The following LIMCH1 variants were observed in gnomAD, a reference collection of about 807,000 sequenced individuals.
The protein encoded by LIMCH1 is LIM and calponin homology domains 1.
A neutral mutation model predicts 176.5 loss-of-function variants in LIMCH1; 113 were observed. That is an observed-to-expected ratio of 0.64 (90% confidence interval 0.55 to 0.75). LIMCH1 has a LOEUF of 0.75. LIMCH1 is among the 30% of genes least tolerant of loss of function. The pLI is 0.00. For missense variants in LIMCH1, 1,674 were observed against 1,814.9 expected, an observed-to-expected ratio of 0.92 and a Z score of 1.41; for synonymous variants, 619 against 645.9, an observed-to-expected ratio of 0.96 and a Z score of 0.63.
intron 1 of LIMCH1, among the ~76,000 whole-genome samples, chr4:41,383,415 A>T (rs2056010352): frequency 6.6e-6 from 1 of 152,196 alleles, no homozygotes; most frequent in African/African-American, 2.4e-5. Context: ...CCTCATGAGG[A>T]GCGAAGTGAT....
At chr4:41,655,190 T>C (rs1406411493) in intron 18 of LIMCH1, among the ~76,000 whole-genome samples, 1 of 152,088 alleles carries the variant, frequency 6.6e-6, no homozygotes, top group Non-Finnish European at 1.5e-5. Flanking sequence ...TTTTCGAAAA[T>C]AACCAAAAAA....
intron 1 of LIMCH1, among the ~76,000 whole-genome samples, chr4:41,485,854 T>A (rs777713993): frequency 8.5e-5 from 13 of 152,084 alleles, no homozygotes; most frequent in Non-Finnish European, 1.6e-4. Context: ...GCAAGACCAG[T>A]TAGGAGACCC....
chr4:41,541,810 G>A (rs2078695727), intron 1 of LIMCH1, among the ~76,000 whole-genome samples: 1 of 152,202 alleles, frequency 6.6e-6, no homozygotes, highest in Non-Finnish European at 1.5e-5. Flanking sequence ...TCCCATGTAA[G>A]CTTTGGCAGT....
chr4:41,599,292 T>G (rs185380884), intron 2 of LIMCH1, among the ~76,000 whole-genome samples: 1 of 152,200 alleles, frequency 6.6e-6, no homozygotes, highest in African/African-American at 2.4e-5. Flanking sequence ...TAAGTAAAGA[T>G]TAACAGAGAG....
chr4:41,509,474 A>C (rs532322063), intron 2 of LIMCH1, among the ~76,000 whole-genome samples: 1 of 152,160 alleles, frequency 6.6e-6, no homozygotes, highest in African/African-American at 2.4e-5. Flanking sequence ...TAGACTTTCT[A>C]TGTAGGGTTC....
chr4:41,682,183 A>T (rs1716566657), intron 25 of LIMCH1, 150 bp from the exon 26 acceptor site: 1 of 510,296 alleles, frequency 2.0e-6, no homozygotes, highest in African/African-American at 2.0e-5. Context: ...AATAGTTGGA[A>T]ATCAGTTGCT....
At chr4:41,456,900 C>G (rs1051170103) in intron 1 of LIMCH1, among the ~76,000 whole-genome samples, 7 of 152,134 alleles carry the variant, frequency 4.6e-5, no homozygotes, top group African/African-American at 1.7e-4. Context: ...TGTGGCCTCT[C>G]CATGTGGCCC....
chr4:41,493,842 T>C (rs2071538545), intron 1 of LIMCH1, among the ~76,000 whole-genome samples: 1 of 152,210 alleles, frequency 6.6e-6, no homozygotes, highest in African/African-American at 2.4e-5. Context: ...GTCAGACAAT[T>C]ATTCTTTCCC....
At chr4:41,399,058 G>T (rs185328403) in intron 1 of LIMCH1, among the ~76,000 whole-genome samples, 1 of 152,310 alleles carries the variant, frequency 6.6e-6, no homozygotes, top group East Asian at 1.9e-4. Flanking sequence ...ACCATGTGAG[G>T]TGTTATTTAA....
chr4:41,486,532 G>A (rs1222253970), intron 1 of LIMCH1, among the ~76,000 whole-genome samples: 1 of 152,196 alleles, frequency 6.6e-6, no homozygotes, highest in East Asian at 1.9e-4. Flanking sequence ...GTGTGATATT[G>A]TAAACATATT....
chr4:41,402,774 A>G (rs191941908), intron 1 of LIMCH1, among the ~76,000 whole-genome samples: 2,655 of 145,186 alleles, frequency 0.018, 86 homozygotes, highest in African/African-American at 0.063. Flanking sequence ...AGAATTGAAC[A>G]ATGAGAACAC....
At chr4:41,459,293 C>G (rs2065007960) in intron 1 of LIMCH1, among the ~76,000 whole-genome samples, 1 of 151,978 alleles carries the variant, frequency 6.6e-6, no homozygotes, top group African/African-American at 2.4e-5. Context: ...TTCCCTCCCT[C>G]CCTCTGTCCC....
At chr4:41,651,349 C>G (rs1219181787) in intron 18 of LIMCH1, among the ~76,000 whole-genome samples, 1 of 152,092 alleles carries the variant, frequency 6.6e-6, no homozygotes. Context: ...CTGAGTAGGT[C>G]CACCCTTCTC....
chr4:41,589,922 C>G (rs1339288339), intron 1 of LIMCH1, among the ~76,000 whole-genome samples: 1 of 152,026 alleles, frequency 6.6e-6, no homozygotes, highest in African/African-American at 2.4e-5. Flanking sequence ...CTCCTCTTGC[C>G]CCTGTTCCTT....
chr4:41,461,645 G>T lies in LIMCH1; in HGVS notation c.97-32891G>T, dbSNP rs1357542672. 3.3e-5 allele frequency among the ~76,000 whole-genome samples: 5 copies of T among 152,280 alleles called. 1 individual carries two copies. The highest frequency in any genetic ancestry group is 3.3e-4 in the Admixed American group (5 of 15,300). On this transcript the variant is annotated intron_variant, in intron 1 of 26. Transcript: ENST00000313860. ...TAAAAAAGAAGCAGGGTTTACTGGG[G>T]TTGTGTTGAGGGCCAGTGCCTGATT...
At chr4:41,597,718 G>A (rs2089166078) in intron 1 of LIMCH1, among the ~76,000 whole-genome samples, 1 of 152,158 alleles carries the variant, frequency 6.6e-6, no homozygotes, top group South Asian at 2.1e-4. Context: ...GAGTTTCCCT[G>A]ATTAGGTCAG....
chr4:41,419,200 C>G (rs549934336), intron 1 of LIMCH1, among the ~76,000 whole-genome samples: 1 of 150,680 alleles, frequency 6.6e-6, no homozygotes, highest in Non-Finnish European at 1.5e-5. Flanking sequence ...TATTTTGAGA[C>G]GGAGTCTAGC....
chr4:41,388,105 CAAAAG>C (rs949229316), intron 1 of LIMCH1, among the ~76,000 whole-genome samples: 8 of 152,094 alleles, frequency 5.3e-5, no homozygotes, highest in Non-Finnish European at 1.2e-4. Flanking sequence ...GCAAGACTCT[CAAAAG>C]AAAAGTTAAC....
chr4:41,482,586 T>C (rs2068831290), intron 1 of LIMCH1, among the ~76,000 whole-genome samples: 1 of 152,084 alleles, frequency 6.6e-6, no homozygotes, highest in Non-Finnish European at 1.5e-5. Context: ...TTAGACAGTA[T>C]GACAATATTA....
Sources: gnomAD v4.1 joint callset for allele counts (sites outside exome capture counted in the v4.1 genomes callset) on GRCh38, gnomAD v4.1.1 for gene constraint, MANE v1.5 for transcripts, NCBI Gene and HGNC (gene_info 2026-07-23, HGNC 2026-07-21) for gene names.